Variants in CHLSN observed in about 807,000 individuals in gnomAD.
The protein encoded by CHLSN is cholesin, also known as protein cholesin.
At chr7:983,226 CT>C in the CHLSN span, 1 of 1,523,540 alleles carries the variant, frequency 6.6e-7, no homozygotes, top group Non-Finnish European at 8.8e-7. Flanking sequence ...CCCTGCTGCT[CT>C]TGCTGTTCCT....
chr7:1,019,686 G>A, the CHLSN span, among the ~76,000 whole-genome samples: 12 of 152,226 alleles, frequency 7.9e-5, no homozygotes, highest in African/African-American at 2.4e-4. Flanking sequence ...CCATCACCAC[G>A]AGGAGGGCCC....
At chr7:1,041,335 G>A in the CHLSN span, among the ~76,000 whole-genome samples, 1 of 114,714 alleles carries the variant, frequency 8.7e-6, no homozygotes, top group Non-Finnish European at 1.8e-5. Flanking sequence ...AGGGGGCCTG[G>A]GGTCCGCGCT....
chr7:1,108,939 C>T, the CHLSN span, among the ~76,000 whole-genome samples: 1 of 149,482 alleles, frequency 6.7e-6, no homozygotes, highest in African/African-American at 2.5e-5. Flanking sequence ...CTCTGTCGCC[C>T]AGGCTGGAGT....
the CHLSN span, among the ~76,000 whole-genome samples, chr7:1,048,688 A>G: frequency 1.3e-5 from 2 of 152,218 alleles, no homozygotes; most frequent in African/African-American, 2.4e-5. Flanking sequence ...ATAGGAAGAA[A>G]GATGCCAACG....
chr7:996,442 G>A, the CHLSN span, among the ~76,000 whole-genome samples: 1 of 152,204 alleles, frequency 6.6e-6, no homozygotes, highest in African/African-American at 2.4e-5. Context: ...CTGCTCCACC[G>A]TCAGTTGGGG....
chr7:1,013,913 A>G, the CHLSN span, among the ~76,000 whole-genome samples: 1 of 152,258 alleles, frequency 6.6e-6, no homozygotes, highest in Non-Finnish European at 1.5e-5. Context: ...TGAGGATTAC[A>G]TTTGAAAATG....
At chr7:979,096 G>A in the CHLSN span, among the ~76,000 whole-genome samples, 30 of 152,298 alleles carry the variant, frequency 2.0e-4, no homozygotes, top group African/African-American at 6.3e-4. Context: ...TCACTGTTTG[G>A]GATCCAGCCT....
At chr7:1,057,718 A>G in the CHLSN span, 3 of 776,036 alleles carry the variant, frequency 3.9e-6, no homozygotes, top group Admixed American at 1.7e-5. Context: ...TACTTTGTCA[A>G]CATGGCAGTG....
At chr7:1,063,651 C>G in the CHLSN span, among the ~76,000 whole-genome samples, 1 of 152,260 alleles carries the variant, frequency 6.6e-6, no homozygotes, top group Admixed American at 6.5e-5. Context: ...GTCTCACGTC[C>G]TCACCTGCCC....
chr7:1,016,958 A>AC, the CHLSN span, among the ~76,000 whole-genome samples: 2 of 144,856 alleles, frequency 1.4e-5, no homozygotes, highest in African/African-American at 2.6e-5. Flanking sequence ...GCCAGCGCAC[A>AC]GCAGCACACG....
the CHLSN span, among the ~76,000 whole-genome samples, chr7:1,126,427 C>G: frequency 6.7e-6 from 1 of 149,348 alleles, no homozygotes; most frequent in South Asian, 2.1e-4. Context: ...ACCTGTAATT[C>G]CAGCATATTG....
At chr7:1,088,020 T>G in the CHLSN span, 1 of 152,318 alleles carries the variant, frequency 6.6e-6, no homozygotes, top group Admixed American at 6.5e-5. The surrounding 1 kb of genome is among the most constrained non-coding windows in gnomAD (Gnocchi z 4.5). Flanking sequence ...AACACTAGCC[T>G]TCTGAGGAGG....
chr7:995,677 A>G, the CHLSN span, among the ~76,000 whole-genome samples: 1 of 152,392 alleles, frequency 6.6e-6, no homozygotes, highest in East Asian at 1.9e-4. Flanking sequence ...TGCTGCCAGC[A>G]GCCGGATCGC....
the CHLSN span, among the ~76,000 whole-genome samples, chr7:1,114,408 G>A: frequency 6.6e-6 from 1 of 152,252 alleles, no homozygotes; most frequent in African/African-American, 2.4e-5. Flanking sequence ...CGTGAATTGT[G>A]GTGAGCCTGG....
At chr7:1,087,546 C>T in the CHLSN span, among the ~76,000 whole-genome samples, 1 of 152,156 alleles carries the variant, frequency 6.6e-6, no homozygotes, top group Admixed American at 6.5e-5. Flanking sequence ...GCCCGCCACA[C>T]GAGGTCAGGT....
chr7:1,032,843 C>T, the CHLSN span, among the ~76,000 whole-genome samples: 1 of 152,240 alleles, frequency 6.6e-6, no homozygotes, highest in Non-Finnish European at 1.5e-5. Context: ...CGTATGTGGG[C>T]AGCGCCTCTG....
the CHLSN span, among the ~76,000 whole-genome samples, chr7:1,020,439 C>T: frequency 5.3e-5 from 8 of 152,186 alleles, no homozygotes; most frequent in Non-Finnish European, 7.4e-5. Context: ...TCTCGCCAGC[C>T]GCTGCCCCAT....
the CHLSN span, chr7:1,000,478 T>A: frequency 6.2e-7 from 1 of 1,604,596 alleles, no homozygotes; most frequent in Non-Finnish European, 8.5e-7. Context: ...ACCTTGTCAC[T>A]GTCATACATG....
chr7:1,121,208 C>G, the CHLSN span, among the ~76,000 whole-genome samples: 1 of 152,074 alleles, frequency 6.6e-6, no homozygotes, highest in African/African-American at 2.4e-5. Context: ...CCTTTCAGCC[C>G]TGTACATGTA....
Sources: allele counts gnomAD v4.1 joint callset (sites outside exome capture counted in the v4.1 genomes callset), GRCh38; gene constraint gnomAD v4.1.1; non-coding constraint Gnocchi (gnomAD v3.1); transcripts MANE v1.5; gene names NCBI Gene and HGNC (gene_info 2026-07-23, HGNC 2026-07-21).